Variants in NCOA1 observed in about 807,000 individuals in gnomAD.
The protein encoded by NCOA1 is Hin-2 protein.
A neutral mutation model predicts 150.9 loss-of-function variants in NCOA1; 35 were observed. The ratio of observed to expected loss-of-function variants is 0.23; its 90% CI spans 0.18 to 0.31. The LOEUF (loss-of-function observed/expected upper bound fraction) is 0.31. NCOA1 is among the 10% of genes least tolerant of loss of function. The probability of loss-of-function intolerance (pLI) is 1.00; values close to 1 mark genes in which losing one functional copy is unlikely to be tolerated. For missense variants in NCOA1, 1,491 were observed against 1,749.3 expected (o/e 0.85, Z 2.63); for synonymous variants, 590 against 630.0 (o/e 0.94, Z 0.95).
At chr2:24,656,361 G>A (rs1405734527) in intron 4 of NCOA1, among the ~76,000 whole-genome samples, 1 of 152,166 alleles carries the variant, frequency 6.6e-6, no homozygotes, top group East Asian at 1.9e-4. Context: ...CATAATAATT[G>A]AACATATTTA....
intron 17 of NCOA1, among the ~76,000 whole-genome samples, chr2:24,737,310 A>G (rs989756259): frequency 1.3e-5 from 2 of 152,200 alleles, no homozygotes; most frequent in Non-Finnish European, 2.9e-5. Flanking sequence ...ACACACAGAT[A>G]GTCAAGGGGA....
At position 24,642,007 on chromosome 2, in the gene NCOA1, C is replaced by CGTGTGTGTGT. The variant is rs58991961; in HGVS notation, c.-174-1937_-174-1928dup. On this transcript the variant is annotated intron_variant, in intron 3 of 22. Coordinates refer to ENST00000348332, the MANE Select transcript of NCOA1 (RefSeq NM_003743.5). ...GGTATTGCCAGCAGATTACAGAGGGCGTGTGTGTGTGTGTGTGTGTGTGTG... is the reference window on the plus strand; with the variant it reads ...GGTATTGCCAGCAGATTACAGAGGGCGTGTGTGTGTGTGTGTGTGTGTGTGTGTGTGTGTG... 8.9e-3 allele frequency among the ~76,000 whole-genome samples: 1,295 copies of CGTGTGTGTGT among 144,992 alleles called. 18 individuals carry two copies. Among genetic ancestry groups the CGTGTGTGTGT allele is most frequent in the African/African-American group, 0.029 (1,128 of 38,612 alleles).
intron 5 of NCOA1, among the ~76,000 whole-genome samples, chr2:24,660,599 A>G (rs1671141253): frequency 6.6e-6 from 1 of 152,122 alleles, no homozygotes; most frequent in Non-Finnish European, 1.5e-5. Flanking sequence ...AGATATATTC[A>G]GTCCCATTAA....
chr2:24,741,809 C>A lies in NCOA1; in HGVS notation c.3329C>A (p.Ala1110Glu). The change falls in exon 19 of 23, where the codon GCA becomes GAA. Residue 1110 changes from alanine to glutamate, a missense_variant. Physicochemically the swap from Ala to Glu is moderately radical, Grantham distance 107 (BLOSUM62 -1). Transcript: ENST00000348332. ...CCACCCCTGAATGCTCAAATGTTGGCACAACGTCAGCGGGAACTGTACAGT... is the reference window on the plus strand; with the variant it reads ...CCACCCCTGAATGCTCAAATGTTGGAACAACGTCAGCGGGAACTGTACAGT... ...PQPPLNAQML[A>E]QRQRELYSQQ... 1 of 1,613,168 alleles carries A rather than the reference C, an allele frequency of 6.2e-7. No individual in the cohort carries two copies. Among genetic ancestry groups the A allele is most frequent in the Non-Finnish European group, 8.5e-7 (1 of 1,179,586 alleles).
rs543916890 is a variant in NCOA1 at position 24,699,736 on chromosome 2, T to C, written c.949+1938T>C. ...CTATTCAGCAGTATCTAGCCAGATA[T>C]GAGAAATGTGGTCAATGAAACACTT... is the stretch of plus-strand genomic sequence containing the variant. On this transcript the variant is annotated intron_variant, in intron 11 of 22. Coordinates refer to ENST00000348332, the MANE Select transcript of NCOA1 (RefSeq NM_003743.5). 6.6e-4 allele frequency among the ~76,000 whole-genome samples: 101 copies of C among 152,260 alleles called. 1 individual carries two copies. Among genetic ancestry groups the C allele is most frequent in the African/African-American group, 2.3e-3 (97 of 41,550 alleles).
intron 6 of NCOA1, among the ~76,000 whole-genome samples, chr2:24,670,467 A>T (rs1671630695): frequency 6.6e-6 from 1 of 152,214 alleles, no homozygotes; most frequent in Non-Finnish European, 1.5e-5. Flanking sequence ...GACATATACC[A>T]CTATGAAGGA....
In NCOA1 at chr2:24,627,462, C is replaced by T. The variant is rs183496490; in HGVS notation, c.-174-16504C>T. Reference sequence around the variant, plus strand: ...TAAGGGGTACGAAGAACTGGTAAGACTGTCGTTGTCAGTTAGCAGTGTGGT... The same window carrying T: ...TAAGGGGTACGAAGAACTGGTAAGATTGTCGTTGTCAGTTAGCAGTGTGGT... On this transcript the variant is annotated intron_variant, in intron 3 of 22. Transcript: ENST00000348332. Among the ~76,000 whole-genome samples the T allele has an allele frequency of 3.2e-4, 48 of 152,296 alleles. No individual in the cohort carries two copies. In the East Asian group the frequency reaches 7.5e-3, roughly 24 times the overall value.
intron 1 of NCOA1, among the ~76,000 whole-genome samples, chr2:24,538,012 A>G (rs1437102800): frequency 2.0e-5 from 3 of 152,242 alleles, no homozygotes; most frequent in Non-Finnish European, 4.4e-5. Context: ...TATGGAAGTT[A>G]AGAAATTTAT....
At chr2:24,691,032 A>G (rs1274464651) in intron 8 of NCOA1, among the ~76,000 whole-genome samples, 1 of 152,314 alleles carries the variant, frequency 6.6e-6, no homozygotes, top group Non-Finnish European at 1.5e-5. Context: ...TTCCCCAGAA[A>G]GGTGCACATC....
At chr2:24,753,676 A>G (rs1664358931) in intron 20 of NCOA1, among the ~76,000 whole-genome samples, 1 of 152,108 alleles carries the variant, frequency 6.6e-6, no homozygotes, top group African/African-American at 2.4e-5. Flanking sequence ...CTCTCCTCCT[A>G]TCACTTAGTC....
intron 4 of NCOA1, 128 bp from the exon 5 acceptor site, chr2:24,658,533 G>A: frequency 1.6e-6 from 1 of 615,458 alleles, no homozygotes. Flanking sequence ...TTTTATGATG[G>A]CTGTAATTAT....
chr2:24,642,397 A>T (rs963479130), intron 3 of NCOA1, among the ~76,000 whole-genome samples: 2 of 151,368 alleles, frequency 1.3e-5, no homozygotes, highest in Non-Finnish European at 2.9e-5. Flanking sequence ...AGGTGTTTCC[A>T]ACACCTAAAT....
At chr2:24,678,992 T>C (rs1672042444) in intron 7 of NCOA1, among the ~76,000 whole-genome samples, 1 of 152,238 alleles carries the variant, frequency 6.6e-6, no homozygotes. Flanking sequence ...TAGATATTCT[T>C]CTAGGGTTTT....
At chr2:24,498,964 A>G (rs1424298865) in intron 1 of NCOA1, among the ~76,000 whole-genome samples, 1 of 151,970 alleles carries the variant, frequency 6.6e-6, no homozygotes, top group East Asian at 1.9e-4. Flanking sequence ...TTTTTTGAAT[A>G]GAAGTTGGTA....
chr2:24,752,211 T>C, intron 20 of NCOA1, 55 bp downstream of exon 20: 1 of 1,564,656 alleles, frequency 6.4e-7, no homozygotes, highest in South Asian at 1.2e-5. Flanking sequence ...AAATCCTTGA[T>C]ACTGATAAAT....
At chr2:24,606,516 C>T (rs1372535680) in intron 3 of NCOA1, among the ~76,000 whole-genome samples, 2 of 152,198 alleles carry the variant, frequency 1.3e-5, no homozygotes, top group East Asian at 3.8e-4. Flanking sequence ...GGATTACAGG[C>T]ATGAGTCACC....
intron 19 of NCOA1, among the ~76,000 whole-genome samples, chr2:24,750,091 A>G (rs760618568): frequency 1.3e-5 from 2 of 152,150 alleles, no homozygotes; most frequent in Non-Finnish European, 2.9e-5. Flanking sequence ...ATTAGAAATT[A>G]CAGAAGAAAA....
chr2:24,572,051 A>G (rs1347401684), intron 2 of NCOA1, among the ~76,000 whole-genome samples: 1 of 152,186 alleles, frequency 6.6e-6, no homozygotes, highest in East Asian at 1.9e-4. Context: ...TACATGAGAT[A>G]AGCAAAGCAC....
chr2:24,651,992 TAA>T (rs1053444120), intron 4 of NCOA1, among the ~76,000 whole-genome samples: 1 of 152,090 alleles, frequency 6.6e-6, no homozygotes, highest in Non-Finnish European at 1.5e-5. Flanking sequence ...CTCAAAAAGT[TAA>T]AGAGTTACTG....
Sources: allele counts gnomAD v4.1 joint callset (sites outside exome capture counted in the v4.1 genomes callset), GRCh38; gene constraint gnomAD v4.1.1; transcripts MANE v1.5; gene names NCBI Gene and HGNC (gene_info 2026-07-23, HGNC 2026-07-21).